The following FGD1 variants were observed in gnomAD, a reference collection of about 807,000 sequenced individuals.
FGD1 encodes the protein FYVE, RhoGEF and PH domain-containing protein 1.
FGD1 carries 12 observed loss-of-function variants against 65.0 expected under a neutral mutation model. The ratio of observed to expected loss-of-function variants is 0.18; its 90% confidence interval spans 0.12 to 0.30. The LOEUF (loss-of-function observed/expected upper bound fraction) is 0.30, where lower values mean the gene tolerates loss of function less well. FGD1 is among the 10% of genes least tolerant of loss of function. The pLI, the probability that FGD1 is intolerant of heterozygous loss-of-function variation, is 1.00. For synonymous variants in FGD1, 333 were observed against 343.9 expected (o/e 0.97, Z 0.35); for missense variants, 542 against 837.6 (o/e 0.65, Z 4.36).
At chrX:54,452,860 T>A (rs1369750115) in intron 12 of FGD1, among the ~76,000 whole-genome samples, 1 of 111,501 alleles carries the variant, frequency 9.0e-6, no homozygotes, top group Non-Finnish European at 1.9e-5. Flanking sequence ...TGCAGGTGGG[T>A]CCCAGGCATC....
chrX:54,467,062 G>A (rs1406883150), intron 6 of FGD1, among the ~76,000 whole-genome samples: 1 of 110,982 alleles, frequency 9.0e-6, no homozygotes, highest in African/African-American at 3.3e-5. Flanking sequence ...ACCTGGTACT[G>A]TTCTAAGCTC....
At chrX:54,475,069 C>T (rs1396636886) in intron 1 of FGD1, among the ~76,000 whole-genome samples, 1 of 112,202 alleles carries the variant, frequency 8.9e-6, no homozygotes, top group African/African-American at 3.2e-5. Context: ...ATGGCCCTGC[C>T]CTAGCCCACC....
At chrX:54,479,449 C>A (rs1227379107) in intron 1 of FGD1, among the ~76,000 whole-genome samples, 2 of 111,586 alleles carry the variant, frequency 1.8e-5, no homozygotes, top group Admixed American at 9.5e-5. Flanking sequence ...CCAATTTCCC[C>A]ATTTGGGGCC....
chrX:54,454,663 AAG>A (rs1922455753), intron 12 of FGD1, among the ~76,000 whole-genome samples: 1 of 108,798 alleles, frequency 9.2e-6, no homozygotes, highest in Non-Finnish European at 1.9e-5. Context: ...AAAAAAAAAA[AAG>A]AAAAGGTAGA....
intron 1 of FGD1, among the ~76,000 whole-genome samples, chrX:54,493,546 C>G (rs1172595575): frequency 8.9e-6 from 1 of 111,848 alleles, no homozygotes; most frequent in Non-Finnish European, 1.9e-5. Flanking sequence ...CTGAGACATG[C>G]AAGACGAGGA....
chrX:54,452,082 C>T (rs1477489312), intron 12 of FGD1, among the ~76,000 whole-genome samples: 1 of 105,840 alleles, frequency 9.4e-6, no homozygotes, highest in Non-Finnish European at 1.9e-5. Flanking sequence ...GCCTGGGCAA[C>T]ATAGTGAGAC....
intron 1 of FGD1, among the ~76,000 whole-genome samples, chrX:54,485,488 A>C (rs1424418233): frequency 9.0e-6 from 1 of 111,728 alleles, no homozygotes; most frequent in Admixed American, 9.6e-5. Flanking sequence ...TTATTTTTTG[A>C]GACAGAGTCT....
rs759451709 is a variant in FGD1 at position 54,455,613 on chromosome X, G to A, written c.1935+79C>T. On this transcript the variant is annotated intron_variant, in intron 11 of 17. Transcript: ENST00000375135. Reference sequence around the variant, plus strand: ...TGCACACATACACACACAGACTCGGGGTCAAAGCCAGCATCTTTGTTCCTC... The same window carrying A: ...TGCACACATACACACACAGACTCGGAGTCAAAGCCAGCATCTTTGTTCCTC... The A allele has an allele frequency of 1.2e-5, 13 of 1,095,709 alleles. No homozygotes were observed. In the East Asian group the frequency reaches 4.0e-4, roughly 34 times the overall value. The allele number at this position is 1,095,709 out of a possible 1,213,427, so 90.3% of individuals were successfully genotyped here. A position where few individuals can be genotyped will look rare whatever the true frequency, so the allele number is the denominator to read the frequency against.
Position 54,446,323 on chromosome X carries a change from T to C in FGD1, c.2672A>G (p.Lys891Arg). ...GERPDRRHVF[K>R]ITQSHLSWYF... ...CCAGCTGAGGTGGCTCTGGGTGATC[T>C]TGAAGACATGCCTTCTGTCAGGCCG... is the stretch of plus-strand genomic sequence containing the variant. The change falls in exon 18 of 18, where the codon AAG (lysine) becomes AGG (arginine). Residue 891 changes from lysine (K) to arginine (R), a missense_variant. Physicochemically the swap from Lys to Arg is conservative, Grantham distance 26 (BLOSUM62 2). Coordinates refer to ENST00000375135, the MANE Select transcript of FGD1 (RefSeq NM_004463.3). The C allele has an allele frequency of 1.7e-6, 2 of 1,211,469 alleles. No homozygotes were observed. The highest frequency in any genetic ancestry group is 2.2e-6 in the Non-Finnish European group (2 of 895,234).
At chrX:54,464,060 C>T (rs915953792) in intron 8 of FGD1, among the ~76,000 whole-genome samples, 2 of 108,523 alleles carry the variant, frequency 1.8e-5, no homozygotes, top group Admixed American at 1.0e-4. Context: ...CTCCCGAGTT[C>T]GAGTGATTCT....
chrX:54,481,472 C>T (rs1923142139), intron 1 of FGD1, among the ~76,000 whole-genome samples: 1 of 95,783 alleles, frequency 1.0e-5, no homozygotes, highest in Non-Finnish European at 2.1e-5. Context: ...CCTAATGATC[C>T]GGTGAGCTAT....
chrX:54,490,170 C>T (rs1025900896), intron 1 of FGD1, among the ~76,000 whole-genome samples: 32 of 111,076 alleles, frequency 2.9e-4, no homozygotes, highest in Non-Finnish European at 2.6e-4. Context: ...AAGCAGACAC[C>T]GGAGCCTATT....
At chrX:54,483,342 A>AC (rs1460134593) in intron 1 of FGD1, among the ~76,000 whole-genome samples, 3 of 111,725 alleles carry the variant, frequency 2.7e-5, no homozygotes, top group Non-Finnish European at 5.7e-5. Context: ...AAGGGGCTGG[A>AC]GGGGGAGCAG....
chrX:54,495,315 G>C lies in FGD1; in HGVS notation c.118C>G (p.Pro40Ala). The C allele has an allele frequency of 8.5e-7, 1 of 1,173,056 alleles. No individual in the cohort carries two copies. Among genetic ancestry groups the C allele is most frequent in the Non-Finnish European group, 1.1e-6 (1 of 878,043 alleles). Reference protein sequence around the residue: ...CADSDPGASEPGLLARRGSGS... With the variant: ...CADSDPGASEAGLLARRGSGS... ...GAGCCCCTGCGCGCCAGCAGTCCGG[G>C]TTCCGAGGCTCCAGGGTCCGAGTCG... The change falls in exon 1 of 18, where the codon CCC becomes GCC. Residue 40 changes from proline to alanine, a missense_variant. By Grantham distance (27) the Pro-to-Ala change is conservative. Transcript: ENST00000375135.
At chrX:54,468,512 A>G (rs1922813306) in intron 5 of FGD1, among the ~76,000 whole-genome samples, 1 of 111,100 alleles carries the variant, frequency 9.0e-6, no homozygotes, top group Non-Finnish European at 1.9e-5. Flanking sequence ...TAAATTCAGG[A>G]TCTGGGTCCA....
chrX:54,449,795 C>T, intron 13 of FGD1, 35 bp from the exon 14 acceptor site: 1 of 997,627 alleles, frequency 1.0e-6, no homozygotes, highest in Non-Finnish European at 1.4e-6. Flanking sequence ...GAAGTCAGAT[C>T]ACCCCACAAA....
chrX:54,451,532 G>A (rs1329572698), intron 12 of FGD1, among the ~76,000 whole-genome samples: 3 of 108,734 alleles, frequency 2.8e-5, no homozygotes, highest in Middle Eastern at 9.8e-3. Context: ...TGATCCACCC[G>A]CCTTGGCCTC....
chrX:54,457,389 A>AT (rs1922527288), intron 8 of FGD1, among the ~76,000 whole-genome samples: 1 of 111,864 alleles, frequency 8.9e-6, no homozygotes, highest in South Asian at 3.7e-4. Context: ...ACACAAACAC[A>AT]TTTTTGTCAT....
intron 4 of FGD1, 133 bp downstream of exon 4, chrX:54,469,883 A>G (rs1051405415): frequency 1.8e-6 from 1 of 564,906 alleles, no homozygotes; most frequent in Admixed American, 2.9e-5. Context: ...AAGGGAAAAG[A>G]CTTGCCCAGT....
Sources: gnomAD v4.1 joint callset for allele counts (sites outside exome capture counted in the v4.1 genomes callset) on GRCh38, gnomAD v4.1.1 for gene constraint, MANE v1.5 for transcripts, NCBI Gene and HGNC (gene_info 2026-07-23, HGNC 2026-07-21) for gene names.